FGD5: variants seen among roughly 807,000 people sequenced by gnomAD.
FGD5 encodes the protein FYVE, RhoGEF and PH domain containing 5, also known as FYVE, RhoGEF and PH domain-containing protein 5.
In FGD5, 28 loss-of-function variants were observed where a neutral mutation model predicts 133.4. The ratio of observed to expected loss-of-function variants is 0.21; its 90% CI spans 0.16 to 0.29. FGD5 has a LOEUF of 0.29. Ranked by LOEUF, FGD5 falls within the 10% of genes least tolerant of loss-of-function variation. The pLI, the probability that FGD5 is intolerant of heterozygous loss-of-function variation, is 1.00. For synonymous variants in FGD5, 810 were observed against 776.5 expected, an observed-to-expected ratio of 1.04 and a Z score of -0.72; for missense variants, 1,858 against 1,895.2, an observed-to-expected ratio of 0.98 and a Z score of 0.36.
intron 1 of FGD5, among the ~76,000 whole-genome samples, chr3:14,851,394 G>A (rs2037160618): frequency 6.6e-6 from 1 of 152,226 alleles, no homozygotes; most frequent in South Asian, 2.1e-4. Flanking sequence ...ACTGGGTCTT[G>A]GCATCAGACA....
chr3:14,909,302 A>G (rs2038401752), intron 10 of FGD5, among the ~76,000 whole-genome samples: 1 of 152,210 alleles, frequency 6.6e-6, no homozygotes, highest in Non-Finnish European at 1.5e-5. Flanking sequence ...ACACAACAGA[A>G]TACTTCATAG....
chr3:14,931,621 CTG>C (rs1559511170), intron 18 of FGD5: 1 of 152,228 alleles, frequency 6.6e-6, no homozygotes, highest in Non-Finnish European at 1.5e-5. Flanking sequence ...TTTTACATAA[CTG>C]TGTATAAAAA....
chr3:14,835,510 A>AG (rs1028072406), intron 1 of FGD5, among the ~76,000 whole-genome samples: 3 of 136,392 alleles, frequency 2.2e-5, no homozygotes, highest in East Asian at 1.9e-4. Flanking sequence ...AAAAAAAAAA[A>AG]GAAAAGAAAA....
At position 14,933,643 on chromosome 3, in the gene FGD5, G is replaced by A. The variant is rs115103798; in HGVS notation, c.*476G>A. 0.035 allele frequency: 5,527 copies of A among 159,542 alleles called. 129 individuals are homozygous for A. Among genetic ancestry groups the A allele is most frequent in the Non-Finnish European group, 0.046 (3,335 of 71,940 alleles). The allele number at this position is 159,542 out of a possible 1,614,324, so 9.9% of individuals were successfully genotyped here. On this transcript the variant is annotated 3_prime_UTR_variant, in exon 20 of 20. Transcript: ENST00000285046. ...CATCGAAAGCACTTTATTATTTTACGGAGCTGCAACCTCCAATTTTGTGTT... is the reference window on the plus strand; with the variant it reads ...CATCGAAAGCACTTTATTATTTTACAGAGCTGCAACCTCCAATTTTGTGTT...
intron 1 of FGD5, among the ~76,000 whole-genome samples, chr3:14,836,456 A>C (rs1223181931): frequency 6.6e-6 from 1 of 152,174 alleles, no homozygotes; most frequent in Non-Finnish European, 1.5e-5. Flanking sequence ...TGGTCCCCAA[A>C]CGCAAATGGT....
At chr3:14,880,450 A>G in intron 2 of FGD5, 122 bp from the exon 3 acceptor site, 2 of 744,614 alleles carry the variant, frequency 2.7e-6, no homozygotes, top group Non-Finnish European at 4.4e-6. Context: ...TGAAGAACAT[A>G]CAAGTAATGA....
chr3:14,848,571 A>C (rs1247001310), intron 1 of FGD5, among the ~76,000 whole-genome samples: 10 of 152,174 alleles, frequency 6.6e-5, no homozygotes. Flanking sequence ...TATACCACAA[A>C]AAGCTTCCTT....
chr3:14,858,389 G>GGATGGATGGATA (rs2037329834), intron 1 of FGD5, among the ~76,000 whole-genome samples: 1 of 151,574 alleles, frequency 6.6e-6, no homozygotes, highest in Non-Finnish European at 1.5e-5. Flanking sequence ...ATGGATGGAT[G>GGATGGATGGATA]GATGGATAGA....
intron 18 of FGD5, 60 bp downstream of exon 18, chr3:14,926,258 C>A: frequency 3.8e-6 from 6 of 1,596,592 alleles, no homozygotes; most frequent in Non-Finnish European, 5.1e-6. Context: ...CCCCTGGGGC[C>A]TGCACACATC....
At chr3:14,901,122 T>C in intron 9 of FGD5, 61 bp downstream of exon 9, 1 of 1,575,390 alleles carries the variant, frequency 6.3e-7, no homozygotes, top group East Asian at 2.2e-5. Context: ...CCCCACCAGC[T>C]CCGGTCAGCC....
intron 2 of FGD5, among the ~76,000 whole-genome samples, chr3:14,877,441 T>C (rs1410065286): frequency 6.6e-6 from 1 of 152,198 alleles, no homozygotes; most frequent in African/African-American, 2.4e-5. Context: ...GTAACAGTGG[T>C]AATGATGGCA....
intron 9 of FGD5, among the ~76,000 whole-genome samples, chr3:14,902,715 C>A (rs1459555162): frequency 6.6e-6 from 1 of 152,178 alleles, no homozygotes; most frequent in African/African-American, 2.4e-5. Flanking sequence ...TCAACACAGC[C>A]AAAAACTAGA....
intron 4 of FGD5, among the ~76,000 whole-genome samples, chr3:14,890,760 T>C (rs755042265): frequency 2.6e-5 from 4 of 152,250 alleles, no homozygotes; most frequent in Non-Finnish European, 4.4e-5. Flanking sequence ...GAAACCAGCT[T>C]GCAGAGCAAT....
chr3:14,916,152 G>A (rs1311536697), intron 11 of FGD5, among the ~76,000 whole-genome samples: 1 of 152,220 alleles, frequency 6.6e-6, no homozygotes, highest in African/African-American at 2.4e-5. Flanking sequence ...GTTAATGTTG[G>A]TCACATATAG....
chr3:14,861,041 A>G (rs959818750), intron 1 of FGD5, among the ~76,000 whole-genome samples: 9 of 152,222 alleles, frequency 5.9e-5, no homozygotes, highest in Admixed American at 4.6e-4. Context: ...CCTCACAGGT[A>G]TTATCACTTA....
intron 9 of FGD5, 93 bp from the exon 10 acceptor site, chr3:14,907,547 T>C: frequency 8.3e-7 from 1 of 1,199,870 alleles, no homozygotes; most frequent in Non-Finnish European, 1.2e-6. Context: ...TTCATTTTTG[T>C]CTGAAACAGA....
At position 14,851,186 on chromosome 3, in the gene FGD5, A is replaced by G. The variant is rs117684399; in HGVS notation, c.2526-12942A>G. On this transcript the variant is annotated intron_variant, in intron 1 of 19. Coordinates refer to ENST00000285046, the MANE Select transcript of FGD5 (RefSeq NM_152536.4). The stretch of plus-strand genomic sequence containing the variant: ...ACTGCCTGTAGCTCAGACGGACTCT[A>G]GTAACATAAAACCAGCAGGTACTGT... 1.5e-4 allele frequency among the ~76,000 whole-genome samples: 23 copies of G among 152,212 alleles called. No homozygotes were observed. In the East Asian group the frequency reaches 4.0e-3, roughly 27 times the overall value.
chr3:14,817,643 AAGAGAAGAGTTTGCTGGC>A (rs1372380567), upstream of FGD5, among the ~76,000 whole-genome samples: 1 of 152,204 alleles, frequency 6.6e-6, no homozygotes, highest in Non-Finnish European at 1.5e-5. Flanking sequence ...CATGAGTGGG[AAGAGAAGAGTTTGCTGGC>A]AGAGATCTCC....
chr3:14,917,390 A>G lies in FGD5; in HGVS notation c.3489+58A>G. The G allele has an allele frequency of 6.7e-7, 1 of 1,502,618 alleles. No individual in the cohort carries two copies. The highest frequency in any genetic ancestry group is 2.4e-5 in the East Asian group (1 of 42,224). The allele number at this position is 1,502,618 out of a possible 1,614,324, so 93.1% of individuals were successfully genotyped here. ...GGGGACAGGGAGACCCCAGGGGAGAAGGGGACAGCATCCTGCTCCCAGGAG... is the reference window on the plus strand; with the variant it reads ...GGGGACAGGGAGACCCCAGGGGAGAGGGGGACAGCATCCTGCTCCCAGGAG... On this transcript the variant is annotated intron_variant, in intron 12 of 19. Coordinates refer to ENST00000285046, the MANE Select transcript of FGD5 (RefSeq NM_152536.4). This position sits in a 1 kb window ranked among gnomAD's most constrained non-coding sequence, Gnocchi z 4.1.
Sources: allele counts gnomAD v4.1 joint callset (sites outside exome capture counted in the v4.1 genomes callset), GRCh38; gene constraint gnomAD v4.1.1; non-coding constraint Gnocchi (gnomAD v3.1); transcripts MANE v1.5; gene names NCBI Gene and HGNC (gene_info 2026-07-23, HGNC 2026-07-21).